CPED1: variants seen among roughly 807,000 people sequenced by gnomAD.
CPED1 encodes cadherin-like and PC-esterase domain-containing protein 1.
A neutral mutation model predicts 128.2 loss-of-function variants in CPED1; 114 were observed. The ratio of observed to expected loss-of-function variants is 0.89; its 90% CI spans 0.76 to 1.04. The LOEUF (loss-of-function observed/expected upper bound fraction) is 1.04, where lower values mean the gene tolerates loss of function less well. CPED1 is among the 50% of genes least tolerant of loss of function. The pLI is 0.00. For synonymous variants in CPED1, 462 were observed against 426.7 expected, an observed-to-expected ratio of 1.08 and a Z score of -1.02; for missense variants, 1,211 against 1,207.1, an observed-to-expected ratio of 1.00 and a Z score of -0.05.
chr7:121,171,514 A>G (rs1170081111), intron 16 of CPED1, among the ~76,000 whole-genome samples: 1 of 152,204 alleles, frequency 6.6e-6, no homozygotes, highest in African/African-American at 2.4e-5. Context: ...TGCATTTTAA[A>G]AATATACAGT....
chr7:121,184,707 CA>C (rs1278465537), intron 16 of CPED1, among the ~76,000 whole-genome samples: 1 of 151,518 alleles, frequency 6.6e-6, no homozygotes, highest in Non-Finnish European at 1.5e-5. Flanking sequence ...GGTGAGTGAA[CA>C]AAAAAAATCA....
At chr7:121,233,527 C>A (rs1917119) in intron 16 of CPED1, among the ~76,000 whole-genome samples, 69,971 of 151,684 alleles carry the variant, frequency 0.46, 18,922 homozygotes, top group East Asian at 0.88. Context: ...CCAGCCTGAG[C>A]GACAGAGGAA....
At chr7:121,155,317 A>G (rs66871562) in intron 16 of CPED1, among the ~76,000 whole-genome samples, 48,706 of 152,150 alleles carry the variant, frequency 0.32, 8,315 homozygotes, top group Middle Eastern at 0.49. Flanking sequence ...TGCAATCCCA[A>G]TTAAAATACC....
At chr7:121,047,457 T>G (rs942748661) in intron 4 of CPED1, among the ~76,000 whole-genome samples, 2 of 152,134 alleles carry the variant, frequency 1.3e-5, no homozygotes, top group Admixed American at 1.3e-4. Context: ...TTTAGAAAAC[T>G]TAACTAAAAA....
chr7:121,134,867 A>T (rs1008134743), intron 13 of CPED1, among the ~76,000 whole-genome samples: 1 of 152,038 alleles, frequency 6.6e-6, no homozygotes. Flanking sequence ...ATTTTTATAG[A>T]TCAGAAATTT....
chr7:121,150,244 C>G (rs1169109565), intron 16 of CPED1, among the ~76,000 whole-genome samples: 2 of 150,824 alleles, frequency 1.3e-5, no homozygotes, highest in African/African-American at 4.9e-5. Context: ...TCATTGCCAT[C>G]TTCATGTCCA....
chr7:121,150,562 T>C (rs1796134519), intron 16 of CPED1, among the ~76,000 whole-genome samples: 1 of 152,134 alleles, frequency 6.6e-6, no homozygotes, highest in Admixed American at 6.6e-5. Flanking sequence ...TTTGGATATA[T>C]ACCTAGTAAT....
At chr7:121,205,983 C>T (rs990991405) in intron 16 of CPED1, among the ~76,000 whole-genome samples, 9 of 152,138 alleles carry the variant, frequency 5.9e-5, no homozygotes, top group African/African-American at 1.9e-4. Context: ...CTCCACTAGA[C>T]AGCTGCTTTT....
intron 16 of CPED1, among the ~76,000 whole-genome samples, chr7:121,199,689 A>AAAAAGAAAG (rs1797348208): frequency 2.5e-5 from 1 of 40,680 alleles, no homozygotes; most frequent in East Asian, 3.0e-3. Flanking sequence ...AAAAAAAAAA[A>AAAAAGAAAG]AAAAAAAAAA....
intron 3 of CPED1, among the ~76,000 whole-genome samples, chr7:121,043,161 G>A (rs565872539): frequency 1.3e-5 from 2 of 152,114 alleles, no homozygotes; most frequent in Admixed American, 1.3e-4. Flanking sequence ...AAAGTGTAAC[G>A]AGAGAGTGTG....
At chr7:121,012,600 C>T (rs1454405080) in intron 2 of CPED1, among the ~76,000 whole-genome samples, 1 of 152,236 alleles carries the variant, frequency 6.6e-6, no homozygotes, top group African/African-American at 2.4e-5. Flanking sequence ...TTTAATTTCA[C>T]ATACGCAATG....
intron 16 of CPED1, among the ~76,000 whole-genome samples, chr7:121,151,965 C>G (rs1422560718): frequency 6.6e-6 from 1 of 152,192 alleles, no homozygotes; most frequent in Non-Finnish European, 1.5e-5. Flanking sequence ...TAACTACAGG[C>G]TGGTTTGATA....
chr7:121,046,322 C>T (rs1040094062), intron 3 of CPED1, among the ~76,000 whole-genome samples: 1 of 152,032 alleles, frequency 6.6e-6, no homozygotes, highest in Non-Finnish European at 1.5e-5. Flanking sequence ...CAAAATCTGT[C>T]GTTTTTATTT....
intron 16 of CPED1, among the ~76,000 whole-genome samples, chr7:121,198,544 C>T: frequency 6.6e-6 from 1 of 152,072 alleles, no homozygotes; most frequent in Non-Finnish European, 1.5e-5. Context: ...TGCCCGGACT[C>T]ATACTTTACA....
rs1796273792 is a variant in CPED1, at chr7:120,989,526, A to G, written c.-96A>G. On this transcript the variant is annotated 5_prime_UTR_variant, in exon 2 of 23. Coordinates refer to ENST00000310396, the MANE Select transcript of CPED1 (RefSeq NM_024913.5). ...AAGCAAACTTGATTGGAGTTGGGGA[A>G]AAAGAAGACAGATTAGTATTTTTCA... The G allele has an allele frequency of 6.7e-7, 1 of 1,485,544 alleles. No individual in the cohort carries two copies. The highest frequency in any genetic ancestry group is 9.1e-7 in the Non-Finnish European group (1 of 1,098,052). The allele number at this position is 1,485,544 out of a possible 1,614,324, so 92.0% of individuals were successfully genotyped here.
chr7:121,174,515 G>A (rs1796732307), intron 16 of CPED1, among the ~76,000 whole-genome samples: 1 of 150,652 alleles, frequency 6.6e-6, no homozygotes, highest in Non-Finnish European at 1.5e-5. Context: ...TCAGCTTTGT[G>A]GAATATCAGA....
At chr7:121,273,935 C>CAAGA (rs1792283360) in intron 22 of CPED1, among the ~76,000 whole-genome samples, 1 of 152,156 alleles carries the variant, frequency 6.6e-6, no homozygotes, top group Non-Finnish European at 1.5e-5. Flanking sequence ...GCTAAAAAAG[C>CAAGA]AAGCCAGTGG....
At chr7:121,204,331 G>A (rs980611385) in intron 16 of CPED1, among the ~76,000 whole-genome samples, 1 of 152,038 alleles carries the variant, frequency 6.6e-6, no homozygotes, top group Non-Finnish European at 1.5e-5. Flanking sequence ...GATCAGAAAA[G>A]GGATAGGGAT....
intron 3 of CPED1, among the ~76,000 whole-genome samples, chr7:121,023,483 GC>G (rs1022095888): frequency 4.6e-5 from 7 of 152,050 alleles, no homozygotes; most frequent in Non-Finnish European, 1.0e-4. Context: ...AACCACCAAA[GC>G]TTTTTTACAA....
Sources: gnomAD v4.1 joint callset for allele counts (sites outside exome capture counted in the v4.1 genomes callset) on GRCh38, gnomAD v4.1.1 for gene constraint, MANE v1.5 for transcripts, NCBI Gene and HGNC (gene_info 2026-07-23, HGNC 2026-07-21) for gene names.